Variants in ADA2 observed in about 807,000 individuals in gnomAD.
ADA2 encodes the protein adenosine deaminase CECR1.
ADA2 carries 29 observed loss-of-function variants against 44.2 expected under a neutral mutation model. The observed-to-expected ratio is 0.66, with a 90% CI of 0.49 to 0.89. The LOEUF is 0.89. Ranked by LOEUF, ADA2 falls within the 40% of genes least tolerant of loss-of-function variation. The probability of loss-of-function intolerance (pLI) is 0.00; values close to 1 mark genes in which losing one functional copy is unlikely to be tolerated. For missense variants in ADA2, 637 were observed against 644.8 expected (o/e 0.99, Z 0.13); for synonymous variants, 215 against 234.9 (o/e 0.92, Z 0.77).
At chr22:17,204,787 A>T (rs12166983) in intron 3 of ADA2, among the ~76,000 whole-genome samples, 12,293 of 141,422 alleles carry the variant, frequency 0.087, 566 homozygotes, top group Middle Eastern at 0.16. Flanking sequence ...GAGAAAATCA[A>T]TTCCTTCTTT....
chr22:17,221,142 C>CA (rs111835390), upstream of ADA2, among the ~76,000 whole-genome samples: 4,433 of 129,152 alleles, frequency 0.034, 196 homozygotes, highest in African/African-American at 0.11. Context: ...GATTTTGTCT[C>CA]AAAAAAAAAA....
chr22:17,213,405 A>G (rs1178682197), intron 1 of ADA2: 1 of 179,218 alleles, frequency 5.6e-6, no homozygotes, highest in Non-Finnish European at 1.2e-5. Context: ...TTATTGCAGC[A>G]CTATTCACAA....
upstream of ADA2, among the ~76,000 whole-genome samples, chr22:17,220,654 A>C (rs1455401303): frequency 6.6e-6 from 1 of 151,918 alleles, no homozygotes; most frequent in East Asian, 1.9e-4. Flanking sequence ...TGGTCTAAAG[A>C]CTCGATTGCA....
intron 8 of ADA2, among the ~76,000 whole-genome samples, 185 bp downstream of exon 8, chr22:17,182,419 C>CA (rs1176497487): frequency 6.6e-6 from 1 of 152,160 alleles, no homozygotes; most frequent in Admixed American, 6.6e-5. Context: ...ACTGCTGCCT[C>CA]ATTCTTATTG....
chr22:17,208,931 C>A (rs1335179464), intron 2 of ADA2, among the ~76,000 whole-genome samples: 4 of 151,886 alleles, frequency 2.6e-5, no homozygotes, highest in Non-Finnish European at 4.4e-5. Context: ...TGGGCTCAAG[C>A]GATACTCTCC....
intron 4 of ADA2, among the ~76,000 whole-genome samples, chr22:17,198,970 A>T (rs951453278): frequency 8.6e-5 from 13 of 152,034 alleles, no homozygotes; most frequent in African/African-American, 3.1e-4. Context: ...GAGGGGGCTC[A>T]GCAAAAGGAT....
intron 1 of ADA2, among the ~76,000 whole-genome samples, chr22:17,211,213 G>A (rs955012914): frequency 2.0e-5 from 3 of 151,758 alleles, no homozygotes; most frequent in African/African-American, 7.3e-5. Flanking sequence ...ACAAAAATTA[G>A]CTGGGCATGG....
intron 6 of ADA2, 38 bp from the exon 7 acceptor site, chr22:17,188,485 C>CCA: frequency 2.8e-6 from 4 of 1,450,258 alleles, no homozygotes; most frequent in Non-Finnish European, 3.9e-6. Context: ...GTCTGCAGGG[C>CCA]GCATGCCTCA....
At chr22:17,199,449 A>G in intron 4 of ADA2, 1 of 350,740 alleles carries the variant, frequency 2.9e-6, no homozygotes, top group Non-Finnish European at 4.7e-6. Flanking sequence ...CTTCCCCTCC[A>G]CCCACGAAGA....
rs2061968683 is a variant in ADA2 at position 17,181,547 on chromosome 22, T to C, written c.1472A>G (p.Asn491Ser). 2 of 1,612,990 alleles carry C rather than the reference T, an allele frequency of 1.2e-6. No homozygotes were observed. Among genetic ancestry groups the C allele is most frequent in the Non-Finnish European group, 1.7e-6 (2 of 1,179,166 alleles). ...CTTCTTCCAGATTTCCATGAAAGTA[T>C]TTTTCTCACTCTCCAACAGGGTACT... ...KYSTLLESEK[N>S]TFMEIWKKRW... The change falls in exon 10 of 10, where the codon AAT (asparagine) becomes AGT (serine). Residue 491 changes from asparagine (N) to serine (S), a missense_variant. Coordinates refer to ENST00000399837, the MANE Select transcript of ADA2 (RefSeq NM_001282225.2).
chr22:17,183,456 C>CTTTTTT (rs1227906560), intron 7 of ADA2, among the ~76,000 whole-genome samples: 10 of 77,414 alleles, frequency 1.3e-4, no homozygotes, highest in East Asian at 3.3e-4. Context: ...TTGTGGCACT[C>CTTTTTT]TTTTTTTTTT....
chr22:17,193,432 C>T (rs1170434922), intron 4 of ADA2: 3 of 357,508 alleles, frequency 8.4e-6, no homozygotes, highest in African/African-American at 2.4e-5. Flanking sequence ...TTTGGGCGGT[C>T]GAGGTGGGTG....
chr22:17,205,644 G>A (rs1174403190), intron 3 of ADA2, among the ~76,000 whole-genome samples: 1 of 152,170 alleles, frequency 6.6e-6, no homozygotes, highest in Non-Finnish European at 1.5e-5. Context: ...GCACTCTGTA[G>A]ACATTTCTGT....
chr22:17,187,622 G>A (rs1425972900), intron 7 of ADA2, among the ~76,000 whole-genome samples: 2 of 150,156 alleles, frequency 1.3e-5, no homozygotes, highest in African/African-American at 4.9e-5. Flanking sequence ...AGCCAAAGTA[G>A]GATGATGTGA....
At chr22:17,191,156 C>A (rs1364172205) in intron 5 of ADA2, among the ~76,000 whole-genome samples, 3 of 152,216 alleles carry the variant, frequency 2.0e-5, no homozygotes, top group Non-Finnish European at 4.4e-5. Context: ...AATTAAGCTG[C>A]AAAGCTTTCT....
rs2062117487 is a variant in ADA2, at chr22:17,191,733, C to T, written c.831G>A (p.Val277=). 6.2e-7 allele frequency: 1 copy of T among 1,613,690 alleles called. No individual in the cohort carries two copies. Among genetic ancestry groups the T allele is most frequent in the African/African-American group, 1.3e-5 (1 of 74,910 alleles). The change falls in exon 5 of 10, where the codon GTG becomes GTA. Residue 277 remains valine (V), a synonymous_variant. Transcript: ENST00000399837. ...KTYQEVAQKF[V]ETHPEFIGIK... is the part of the protein sequence containing the mutation. ...TTCCAATAAACTCAGGGTGAGTTTC[C>T]ACAAACTTCTGAGCTACTTCCTGGT... is the stretch of plus-strand genomic sequence containing the variant.
At chr22:17,183,460 T>A (rs1387695949) in intron 7 of ADA2, among the ~76,000 whole-genome samples, 3 of 142,330 alleles carry the variant, frequency 2.1e-5, no homozygotes, top group African/African-American at 2.6e-5. Flanking sequence ...GGCACTCTTT[T>A]TTTTTTTTTT....
chr22:17,221,156 A>AAAAAAAAG (rs2062520217), upstream of ADA2, among the ~76,000 whole-genome samples: 1 of 151,068 alleles, frequency 6.6e-6, no homozygotes, highest in African/African-American at 2.4e-5. Context: ...AAAAAAAAAA[A>AAAAAAAAG]GAGTTTAACA....
At position 17,206,951 on chromosome 22, in the gene ADA2, G is replaced by T. The variant is rs59857723; in HGVS notation, c.542+120C>A. On this transcript the variant is annotated intron_variant, in intron 3 of 9. Transcript: ENST00000399837. Reference sequence around the variant, plus strand: ...TTATAGGCGTGAACCACCGCACTCAGCCTTGCCTCATGTTTTATTAAAGCC... The same window carrying T: ...TTATAGGCGTGAACCACCGCACTCATCCTTGCCTCATGTTTTATTAAAGCC... 1,598 of 738,886 alleles carry T rather than the reference G, an allele frequency of 2.2e-3. 20 individuals are homozygous for T. The African/African-American group carries it at 0.025, about 11-fold the overall frequency. The allele number at this position is 738,886 out of a possible 1,614,324, so 45.8% of individuals were successfully genotyped here.
Sources: gnomAD v4.1 joint callset for allele counts (sites outside exome capture counted in the v4.1 genomes callset) on GRCh38, gnomAD v4.1.1 for gene constraint, MANE v1.5 for transcripts, NCBI Gene and HGNC (gene_info 2026-07-23, HGNC 2026-07-21) for gene names.